Variants in ENPP2 observed in about 807,000 individuals in gnomAD.
ENPP2 encodes the protein ectonucleotide pyrophosphatase/phosphodiesterase 2.
ENPP2 carries 51 observed loss-of-function variants against 120.2 expected under a neutral mutation model. The ratio of observed to expected loss-of-function variants is 0.42; its 90% CI spans 0.34 to 0.54. The LOEUF (loss-of-function observed/expected upper bound fraction) is 0.54, where lower values mean the gene tolerates loss of function less well. Ranked by LOEUF, ENPP2 falls within the 20% of genes least tolerant of loss-of-function variation. ENPP2 has a pLI of 0.04. For missense variants in ENPP2, 920 were observed against 1,066.5 expected (o/e 0.86, Z 1.91); for synonymous variants, 365 against 366.4 (o/e 1.00, Z 0.04).
At chr8:119,640,557 T>C (rs1817249230), upstream of ENPP2, among the ~76,000 whole-genome samples, 1 of 152,212 alleles carries the variant, frequency 6.6e-6, no homozygotes, top group Admixed American at 6.5e-5. Context: ...TAAACCTAGC[T>C]AGAAGACAAT....
intron 19 of ENPP2, among the ~76,000 whole-genome samples, chr8:119,577,056 T>C (rs917298700): frequency 1.3e-5 from 2 of 152,238 alleles, no homozygotes; most frequent in African/African-American, 4.8e-5. Context: ...CTTTTACTCA[T>C]GTATTTTGTA....
In ENPP2 at chr8:119,587,071, G is replaced by A. The variant is rs143559494; in HGVS notation, c.1212C>T (p.Asp404=). 3.6e-4 allele frequency: 584 copies of A among 1,608,190 alleles called. 1 individual carries two copies. Among genetic ancestry groups the A allele is most frequent in the Non-Finnish European group, 4.7e-4 (558 of 1,177,540 alleles). The change falls in exon 14 of 25, where the codon GAC becomes GAT. Residue 404 remains aspartate, a synonymous_variant. Transcript: ENST00000075322. The stretch of plus-strand genomic sequence containing the variant: ...TGAGATTGGCAATAATGGCTTTGGG[G>A]TCATCTGTTCAAAGAGAGGAGAAAG... ...RSKFSNNAKY[D]PKAIIANLTC...
At chr8:119,656,912 C>T (rs1259204886) in intron 1 of ENPP2, among the ~76,000 whole-genome samples, 2 of 151,896 alleles carry the variant, frequency 1.3e-5, no homozygotes, top group African/African-American at 2.4e-5. Flanking sequence ...TATATAATAT[C>T]GTTTTTTATT....
intron 2 of ENPP2, 118 bp from the exon 3 acceptor site, chr8:119,626,838 C>T (rs937385178): frequency 4.4e-5 from 39 of 882,100 alleles, no homozygotes; most frequent in Non-Finnish European, 5.9e-5. Context: ...AGAACACTGG[C>T]TCCATTACTT....
intron 8 of ENPP2, among the ~76,000 whole-genome samples, chr8:119,613,940 T>C (rs1428169558): frequency 1.3e-5 from 2 of 152,038 alleles, no homozygotes; most frequent in Non-Finnish European, 2.9e-5. Flanking sequence ...GTCACCCTAC[T>C]GTATAATAGA....
At chr8:119,645,245 C>G (rs1817408520) in intron 1 of ENPP2, among the ~76,000 whole-genome samples, 1 of 152,188 alleles carries the variant, frequency 6.6e-6, no homozygotes, top group South Asian at 2.1e-4. Flanking sequence ...CTCTACTACA[C>G]CACACGAGGG....
chr8:119,581,020 A>G (rs1224578393), intron 18 of ENPP2: 3 of 152,122 alleles, frequency 2.0e-5, no homozygotes, highest in African/African-American at 7.2e-5. Context: ...TAATCTCAAC[A>G]TATTGGGAGG....
intron 1 of ENPP2, among the ~76,000 whole-genome samples, chr8:119,651,108 A>G (rs1425904937): frequency 6.6e-6 from 1 of 152,156 alleles, no homozygotes; most frequent in Non-Finnish European, 1.5e-5. Context: ...TCTGACAGGG[A>G]GATCAGGACA....
At chr8:119,626,806 A>G in intron 2 of ENPP2, 86 bp from the exon 3 acceptor site, 1 of 1,247,360 alleles carries the variant, frequency 8.0e-7, no homozygotes, top group Non-Finnish European at 1.2e-6. Context: ...GTGCGGTGTG[A>G]TGCTGCAGTG....
At position 119,609,383 on chromosome 8, in the gene ENPP2, G is replaced by A. The variant is rs1454548750; in HGVS notation, c.778-1406C>T. Among the ~76,000 whole-genome samples the A allele has an allele frequency of 2.6e-5, 4 of 152,258 alleles. No individual in the cohort carries two copies. The East Asian group carries it at 5.8e-4, about 22-fold the overall frequency. On this transcript the variant is annotated intron_variant, in intron 8 of 24. Transcript: ENST00000075322. Reference sequence around the variant, plus strand: ...TTTCATCAGCCTGGGAGAGGTAGGGGCCTCATCCTGTTCACATGGCTCTGA... The same window carrying A: ...TTTCATCAGCCTGGGAGAGGTAGGGACCTCATCCTGTTCACATGGCTCTGA...
At chr8:119,611,748 G>A (rs1051032975) in intron 8 of ENPP2, among the ~76,000 whole-genome samples, 10 of 152,130 alleles carry the variant, frequency 6.6e-5, no homozygotes, top group Admixed American at 6.5e-5. Context: ...TGGTCAGGCC[G>A]GGCGCCGTGG....
chr8:119,581,127 A>T (rs905040539), intron 18 of ENPP2: 1 of 152,052 alleles, frequency 6.6e-6, no homozygotes, highest in African/African-American at 2.4e-5. Flanking sequence ...TTATCCAGGC[A>T]TGGTGGCAGG....
At chr8:119,652,756 A>G (rs577640568) in intron 1 of ENPP2, among the ~76,000 whole-genome samples, 5 of 152,346 alleles carry the variant, frequency 3.3e-5, no homozygotes, top group Admixed American at 1.3e-4. Flanking sequence ...TTCCAGTGAT[A>G]GGTAGCTGCC....
chr8:119,565,443 C>A (rs1587328180), intron 22 of ENPP2, among the ~76,000 whole-genome samples: 1 of 152,144 alleles, frequency 6.6e-6, no homozygotes, highest in East Asian at 1.9e-4. Context: ...AACCACCTAC[C>A]TCCTAATGCA....
intron 20 of ENPP2, among the ~76,000 whole-genome samples, chr8:119,570,067 G>A (rs141913142): frequency 0.035 from 5,263 of 151,972 alleles, 245 homozygotes; most frequent in African/African-American, 0.1. Flanking sequence ...TCAGGAGTTC[G>A]AGACCAGCCT....
intron 12 of ENPP2, chr8:119,593,007 C>T (rs1813647353): frequency 1.0e-6 from 1 of 970,340 alleles, no homozygotes; most frequent in Admixed American, 6.2e-5. Flanking sequence ...AATTCCAATG[C>T]TACTGTTTCA....
intron 19 of ENPP2, among the ~76,000 whole-genome samples, chr8:119,573,321 C>T (rs766230924): frequency 6.6e-6 from 1 of 150,638 alleles, no homozygotes; most frequent in Non-Finnish European, 1.5e-5. Flanking sequence ...ACAGGAGAAT[C>T]GCTTGAACCC....
chr8:119,672,399 A>C (rs960012507), intron 1 of ENPP2, among the ~76,000 whole-genome samples: 6 of 152,126 alleles, frequency 3.9e-5, no homozygotes, highest in African/African-American at 1.4e-4. Flanking sequence ...TCTATCAGTG[A>C]GAAGCGGCTC....
intron 2 of ENPP2, among the ~76,000 whole-genome samples, chr8:119,628,097 T>C (rs1366329713): frequency 2.0e-5 from 3 of 151,922 alleles, no homozygotes; most frequent in Non-Finnish European, 4.4e-5. Flanking sequence ...AGTAATTTGA[T>C]AAAGACTAGA....
Sources: gnomAD v4.1 joint callset for allele counts (sites outside exome capture counted in the v4.1 genomes callset) on GRCh38, gnomAD v4.1.1 for gene constraint, MANE v1.5 for transcripts, NCBI Gene and HGNC (gene_info 2026-07-23, HGNC 2026-07-21) for gene names.